The following EPHB2 variants were observed in gnomAD, a reference collection of about 807,000 sequenced individuals.
The protein encoded by EPHB2 is ephrin type-B receptor 2.
Under a neutral mutation model 96.4 loss-of-function variants are expected in EPHB2, and 18 were observed. The observed-to-expected ratio is 0.19, with a 90% CI of 0.13 to 0.28. The LOEUF (loss-of-function observed/expected upper bound fraction) is 0.28, where lower values mean the gene tolerates loss of function less well. EPHB2 is among the 10% of genes least tolerant of loss of function. EPHB2 has a pLI of 1.00. For missense variants in EPHB2, 989 were observed against 1,355.4 expected, an observed-to-expected ratio of 0.73 and a Z score of 4.25; for synonymous variants, 506 against 534.1, an observed-to-expected ratio of 0.95 and a Z score of 0.72.
chr1:22,821,556 C>G (rs1645152514), intron 3 of EPHB2, among the ~76,000 whole-genome samples: 3 of 152,204 alleles, frequency 2.0e-5, no homozygotes, highest in Admixed American at 2.0e-4. Flanking sequence ...GTTCGGAAGC[C>G]TGTCTCAGTA....
At chr1:22,912,643 T>G in intron 15 of EPHB2, 44 bp downstream of exon 15, 1 of 1,608,858 alleles carries the variant, frequency 6.2e-7, no homozygotes, top group Non-Finnish European at 8.5e-7. Flanking sequence ...GCACCCCCTC[T>G]CCACCGGCCC....
At chr1:22,730,080 G>A (rs775430631) in intron 1 of EPHB2, among the ~76,000 whole-genome samples, 1 of 152,252 alleles carries the variant, frequency 6.6e-6, no homozygotes, top group African/African-American at 2.4e-5. Flanking sequence ...CAGGGTGGGG[G>A]TGTGGGATCC....
chr1:22,718,898 T>A (rs1276736086), intron 1 of EPHB2, among the ~76,000 whole-genome samples: 1 of 152,092 alleles, frequency 6.6e-6, no homozygotes, highest in African/African-American at 2.4e-5. Context: ...GAGCTCATGC[T>A]CTTCTCCACT....
Position 22,909,144 on chromosome 1 carries a change from G to A in EPHB2, c.2475G>A (p.Arg825=). 6.2e-7 allele frequency: 1 copy of A among 1,614,212 alleles called. No homozygotes were observed. Among genetic ancestry groups the A allele is most frequent in the Non-Finnish European group, 8.5e-7 (1 of 1,180,028 alleles). ...GGGAGGTGATGTCCTATGGGGAGCG[G>A]CCCTACTGGGACATGACCAACCAGG... The part of the protein sequence containing the change: ...VMWEVMSYGE[R]PYWDMTNQDV... Residue 825 remains arginine, a synonymous_variant, in exon 13 of 16, where the codon CGG becomes CGA. Transcript: ENST00000374630.
Position 22,858,163 on chromosome 1 carries a change from C to G in EPHB2, c.812-4874C>G, listed in dbSNP as rs1413936546. On this transcript the variant is annotated intron_variant, in intron 3 of 15. Coordinates refer to ENST00000374630, the MANE Select transcript of EPHB2 (RefSeq NM_017449.5). This position sits in a 1 kb window ranked among gnomAD's most constrained non-coding sequence, Gnocchi z 7.7. ...AAAGCCTTCCGGGCAGAGGGAACAG[C>G]TTGGCCAAAGGCCTGGAGGTGAGAG... 3.9e-5 allele frequency among the ~76,000 whole-genome samples: 6 copies of G among 152,094 alleles called. No individual in the cohort carries two copies. The highest frequency in any genetic ancestry group is 8.8e-5 in the Non-Finnish European group (6 of 68,014).
rs1174122206 is a variant in EPHB2 at position 22,846,925 on chromosome 1, C to T, written c.812-16112C>T. 1.3e-5 allele frequency among the ~76,000 whole-genome samples: 2 copies of T among 152,178 alleles called. No homozygotes were observed. Among genetic ancestry groups the T allele is most frequent in the African/African-American group, 4.8e-5 (2 of 41,434 alleles). ...GGCATCTTCCCCACCAGGCTGGGAG[C>T]CCCTTGAGCTGTGGATCCCTAAGCC... On this transcript the variant is annotated intron_variant, in intron 3 of 15. Transcript: ENST00000374630. This position sits in a 1 kb window ranked among gnomAD's most constrained non-coding sequence, Gnocchi z 4.3.
intron 1 of EPHB2, among the ~76,000 whole-genome samples, chr1:22,755,759 TA>T (rs1052511258): frequency 4.6e-5 from 7 of 152,256 alleles, no homozygotes; most frequent in African/African-American, 1.7e-4. Context: ...CATAAATTAC[TA>T]CATGTAAATG....
At chr1:22,766,358 G>A (rs1044458611) in intron 1 of EPHB2, among the ~76,000 whole-genome samples, 2 of 152,174 alleles carry the variant, frequency 1.3e-5, no homozygotes, top group Non-Finnish European at 2.9e-5. Context: ...TGGAAATGAG[G>A]ATTATGATTA....
chr1:22,775,038 C>T, intron 1 of EPHB2: 1 of 657,256 alleles, frequency 1.5e-6, no homozygotes, highest in Non-Finnish European at 2.8e-6. Flanking sequence ...TCCCACTCCC[C>T]TGCTGCCCTC....
At chr1:22,828,228 C>T (rs1271431747) in intron 3 of EPHB2, among the ~76,000 whole-genome samples, 5 of 152,160 alleles carry the variant, frequency 3.3e-5, no homozygotes, top group Non-Finnish European at 5.9e-5. Flanking sequence ...CCACCAGGGG[C>T]TGAGCTCCTC....
intron 1 of EPHB2, among the ~76,000 whole-genome samples, chr1:22,779,467 C>T (rs1043430494): frequency 1.3e-5 from 2 of 152,176 alleles, no homozygotes; most frequent in Middle Eastern, 3.2e-3. Flanking sequence ...TCACCTCTGA[C>T]CAAATGCTTC....
At position 22,921,431 on chromosome 1, in the gene EPHB2, C is replaced by CA. The variant is rs1406961431; in HGVS notation, c.*7863dup. ...AAGATCAACCCTGACCCTGTTACTC[C>CA]AATGCCTTTGTAGGAGTATTTTTAG... On this transcript the variant is annotated 3_prime_UTR_variant, in exon 16 of 16. Coordinates refer to ENST00000374630, the MANE Select transcript of EPHB2 (RefSeq NM_017449.5). The CA allele has an allele frequency of 1.3e-5, 2 of 152,200 alleles. No homozygotes were observed. Among genetic ancestry groups the CA allele is most frequent in the Non-Finnish European group, 2.9e-5 (2 of 68,034 alleles). 9.4% of individuals were successfully genotyped at this position (152,200 alleles called of 1,614,324 possible).
chr1:22,876,818 G>A (rs1014797958), intron 5 of EPHB2, among the ~76,000 whole-genome samples: 3 of 152,220 alleles, frequency 2.0e-5, no homozygotes, highest in Non-Finnish European at 2.9e-5. Context: ...AGCCCTGCTG[G>A]CCCCCACTGG....
intron 5 of EPHB2, among the ~76,000 whole-genome samples, chr1:22,865,589 C>T (rs577569204): frequency 3.7e-4 from 56 of 152,176 alleles, no homozygotes; most frequent in Non-Finnish European, 6.0e-4. Context: ...ATTTCCGTGT[C>T]ATTTCCCCAC....
At position 22,913,720 on chromosome 1, in the gene EPHB2, C is replaced by T; in HGVS notation, c.*150C>T. The stretch of plus-strand genomic sequence containing the variant: ...GAACCAAGCGGTGCCAGCCACGAGA[C>T]GTCACCAAGAAAACATGCAACTCAA... On this transcript the variant is annotated 3_prime_UTR_variant, in exon 16 of 16. Transcript: ENST00000374630. The surrounding 1 kb of genome is among the most constrained non-coding windows in gnomAD (Gnocchi z 4.1). The T allele has an allele frequency of 2.5e-6, 4 of 1,601,518 alleles. No homozygotes were observed. The South Asian group carries it at 4.5e-5, about 18-fold the overall frequency.
In EPHB2 at chr1:22,906,558, A is replaced by C. The variant is rs1413365322; in HGVS notation, c.1889-152A>C. The C allele has an allele frequency of 1.6e-6, 2 of 1,253,764 alleles. No individual in the cohort carries two copies. The highest frequency in any genetic ancestry group is 2.2e-6 in the Non-Finnish European group (2 of 905,914). 77.7% of individuals were successfully genotyped at this position (1,253,764 alleles called of 1,614,324 possible). A position where few individuals can be genotyped will look rare whatever the true frequency, so the allele number is the denominator to read the frequency against. On this transcript the variant is annotated intron_variant, in intron 10 of 15. Transcript: ENST00000374630. This position sits in a 1 kb window ranked among gnomAD's most constrained non-coding sequence, Gnocchi z 4.8. ...ACTGGAACTTTTCTGGACCCCTGACATTCTTGAAGGGGTTCTGTGTCTGCA... is the reference window on the plus strand; with the variant it reads ...ACTGGAACTTTTCTGGACCCCTGACCTTCTTGAAGGGGTTCTGTGTCTGCA...
At chr1:22,786,120 G>A (rs1644606988) in intron 3 of EPHB2, among the ~76,000 whole-genome samples, 1 of 152,254 alleles carries the variant, frequency 6.6e-6, no homozygotes, top group African/African-American at 2.4e-5. Context: ...AGGCTGTGAA[G>A]GTTGAAGGAC....
intron 3 of EPHB2, among the ~76,000 whole-genome samples, chr1:22,859,132 C>T (rs181718237): frequency 6.6e-6 from 1 of 152,006 alleles, no homozygotes; most frequent in African/African-American, 2.4e-5. Context: ...AGCGAGACTC[C>T]GTCTCAATAA....
chr1:22,908,256 C>T (rs571241255), intron 12 of EPHB2, 88 bp downstream of exon 12: 90 of 1,510,096 alleles, frequency 6.0e-5, no homozygotes, highest in South Asian at 1.6e-4. Context: ...CTTTCACTAA[C>T]GCCCAATTGG....
Sources: gnomAD v4.1 joint callset for allele counts (sites outside exome capture counted in the v4.1 genomes callset) on GRCh38, gnomAD v4.1.1 for gene constraint, Gnocchi (gnomAD v3.1) non-coding constraint, MANE v1.5 for transcripts, NCBI Gene and HGNC (gene_info 2026-07-23, HGNC 2026-07-21) for gene names.